The following ASPH variants were observed in gnomAD, a reference collection of about 807,000 sequenced individuals.
The protein encoded by ASPH is aspartate beta-hydroxylase, also known as aspartyl/asparaginyl beta-hydroxylase.
Under a neutral mutation model 118.4 loss-of-function variants are expected in ASPH, and 100 were observed. That is an observed-to-expected ratio of 0.84 (90% CI 0.72 to 1.00). The LOEUF (loss-of-function observed/expected upper bound fraction) is 1.00. Ranked by LOEUF, ASPH falls within the 50% of genes least tolerant of loss-of-function variation. ASPH has a pLI of 0.00. For synonymous variants in ASPH, 315 were observed against 325.6 expected, an observed-to-expected ratio of 0.97 and a Z score of 0.35; for missense variants, 920 against 919.5, an observed-to-expected ratio of 1.00 and a Z score of -0.01.
intron 21 of ASPH, among the ~76,000 whole-genome samples, chr8:61,531,199 C>T (rs1410626693): frequency 6.6e-6 from 1 of 152,160 alleles, no homozygotes; most frequent in African/African-American, 2.4e-5. Flanking sequence ...TTTATTCTAC[C>T]TTTTGCCAAA....
chr8:61,668,915 C>T (rs1563491854), intron 3 of ASPH, among the ~76,000 whole-genome samples: 2 of 152,202 alleles, frequency 1.3e-5, no homozygotes, highest in South Asian at 4.1e-4. Context: ...TAACAATATA[C>T]CTCTAACTCT....
At chr8:61,605,986 A>C (rs1164471320) in intron 14 of ASPH, among the ~76,000 whole-genome samples, 1 of 152,228 alleles carries the variant, frequency 6.6e-6, no homozygotes. Context: ...GGTGAAAGAC[A>C]ATCTGCCTCT....
At chr8:61,560,572 G>A (rs1469341925) in intron 18 of ASPH, among the ~76,000 whole-genome samples, 1 of 151,156 alleles carries the variant, frequency 6.6e-6, no homozygotes, top group Admixed American at 6.6e-5. Flanking sequence ...GAAAAAAGGC[G>A]ACCCCCACAC....
chr8:61,694,604 T>C (rs1171599200), intron 1 of ASPH, among the ~76,000 whole-genome samples: 1 of 152,202 alleles, frequency 6.6e-6, no homozygotes, highest in Non-Finnish European at 1.5e-5. Context: ...GACTTCAGAA[T>C]CTTGTGGCAC....
intron 14 of ASPH, among the ~76,000 whole-genome samples, chr8:61,614,571 G>A (rs759539015): frequency 5.9e-5 from 9 of 152,100 alleles, no homozygotes; most frequent in Non-Finnish European, 8.8e-5. Context: ...CTGCAGCATC[G>A]ATCCTCCTAC....
Position 61,503,237 on chromosome 8 carries a change from T to A in ASPH, c.*122A>T. The A allele has an allele frequency of 1.6e-6, 2 of 1,213,522 alleles. No individual in the cohort carries two copies. Among genetic ancestry groups the A allele is most frequent in the Non-Finnish European group, 2.2e-6 (2 of 907,214 alleles). The allele number at this position is 1,213,522 out of a possible 1,614,324, so 75.2% of individuals were successfully genotyped here. Reference sequence around the variant, plus strand: ...CTGACCCTAGGAGGAGGCTTTGAATTACTCGGGCTGCAAGTCAAGGGAATT... The same window carrying A: ...CTGACCCTAGGAGGAGGCTTTGAATAACTCGGGCTGCAAGTCAAGGGAATT... On this transcript the variant is annotated 3_prime_UTR_variant, in exon 25 of 25. Coordinates refer to ENST00000379454, the MANE Select transcript of ASPH (RefSeq NM_004318.4).
At position 61,665,267 on chromosome 8, in the gene ASPH, T is replaced by C. The variant is rs141279640; in HGVS notation, c.323-11607A>G. On this transcript the variant is annotated intron_variant, in intron 3 of 24. Transcript: ENST00000379454. ...GCCAGAGCTTTAGCCGTTTCTTTTC[T>C]GGGTATTTCCCTTTGTTAAGTGTGC... is the stretch of plus-strand genomic sequence containing the variant. The C allele has an allele frequency of 5.0e-5, 79 of 1,593,010 alleles. 1 individual carries two copies. The African/African-American group carries it at 8.5e-4, about 17-fold the overall frequency.
At chr8:61,633,081 A>G (rs1241462995) in intron 13 of ASPH, 2 of 154,868 alleles carry the variant, frequency 1.3e-5, no homozygotes, top group African/African-American at 4.8e-5. Context: ...TCTAAAATGC[A>G]TTTGAAAGCA....
At position 61,504,764 on chromosome 8, in the gene ASPH, C is replaced by T. The variant is rs537750829; in HGVS notation, c.2127-1255G>A. Among the ~76,000 whole-genome samples the T allele has an allele frequency of 5.7e-4, 86 of 152,186 alleles. 1 individual carries two copies. In the Middle Eastern group the frequency reaches 0.027, roughly 48 times the overall value. ...CAACCAGAAACATCTCTAGTCATTG[C>T]CAAATGTCCAGGGTGGGAGCAGGAG... On this transcript the variant is annotated intron_variant, in intron 24 of 24. Coordinates refer to ENST00000379454, the MANE Select transcript of ASPH (RefSeq NM_004318.4).
At chr8:61,711,487 A>G (rs1416890037) in intron 1 of ASPH, among the ~76,000 whole-genome samples, 1 of 152,202 alleles carries the variant, frequency 6.6e-6, no homozygotes, top group Admixed American at 6.5e-5. Context: ...AACTGAAAAA[A>G]AAGTAAAATT....
chr8:61,562,987 G>T, intron 17 of ASPH, 107 bp from the exon 18 acceptor site: 1 of 1,146,492 alleles, frequency 8.7e-7, no homozygotes, highest in Non-Finnish European at 1.2e-6. Flanking sequence ...CTGAGAACCA[G>T]CTCAAATCTG....
rs1810637256 is a variant in ASPH at position 61,650,934 on chromosome 8, T to A, written c.490+116A>T. ...ATCTAACTTTGAATTCAAAAACTTT[T>A]TAAAAAACACAAACACCCAATTAAC... is the stretch of plus-strand genomic sequence containing the variant. On this transcript the variant is annotated intron_variant, in intron 5 of 24. Coordinates refer to ENST00000379454, the MANE Select transcript of ASPH (RefSeq NM_004318.4). The A allele has an allele frequency of 7.3e-6, 8 of 1,088,966 alleles. No homozygotes were observed. The Admixed American group carries it at 2.2e-4, about 30-fold the overall frequency. The allele number at this position is 1,088,966 out of a possible 1,614,324, so 67.5% of individuals were successfully genotyped here.
intron 21 of ASPH, among the ~76,000 whole-genome samples, chr8:61,529,575 C>T (rs1392832802): frequency 6.6e-6 from 1 of 152,146 alleles, no homozygotes; most frequent in Non-Finnish European, 1.5e-5. Flanking sequence ...TGTTTTTAAG[C>T]ACAAACCAAG....
intron 3 of ASPH, chr8:61,662,939 C>A (rs908513037): frequency 3.0e-6 from 3 of 985,158 alleles, no homozygotes; most frequent in Non-Finnish European, 3.6e-6. Flanking sequence ...TTTTCTGCCA[C>A]ATAGCCATTG....
intron 3 of ASPH, among the ~76,000 whole-genome samples, chr8:61,662,245 A>G (rs1421570676): frequency 6.6e-6 from 1 of 152,244 alleles, no homozygotes; most frequent in East Asian, 1.9e-4. Context: ...TTTAAGAAAA[A>G]TATGCCAATA....
At chr8:61,648,341 A>C (rs1809115414) in intron 5 of ASPH, among the ~76,000 whole-genome samples, 1 of 152,188 alleles carries the variant, frequency 6.6e-6, no homozygotes, top group Admixed American at 6.5e-5. Flanking sequence ...TAGCGTGGCA[A>C]GGCAATGCTC....
intron 10 of ASPH, among the ~76,000 whole-genome samples, chr8:61,641,316 T>G (rs1244287138): frequency 6.6e-6 from 1 of 152,210 alleles, no homozygotes; most frequent in Non-Finnish European, 1.5e-5. Context: ...ATTCCAAACA[T>G]GTTCTTTATA....
At chr8:61,518,199 C>A in intron 22 of ASPH, 76 bp from the exon 23 acceptor site, 1 of 1,277,924 alleles carries the variant, frequency 7.8e-7, no homozygotes, top group South Asian at 1.3e-5. Flanking sequence ...GAGGTGAGAG[C>A]TATATGTCAT....
At position 61,503,458 on chromosome 8, in the gene ASPH, C is replaced by T; in HGVS notation, c.2178G>A (p.Glu726=). ...VLIFDDSFEH[E]VWQDASSFRL... Reference sequence around the variant, plus strand: ...GGAAAGATGAGGCATCCTGCCATACCTCGTGCTCAAAGGAGTCATCAAAGA... The same window carrying T: ...GGAAAGATGAGGCATCCTGCCATACTTCGTGCTCAAAGGAGTCATCAAAGA... The change falls in exon 25 of 25, where the codon GAG becomes GAA. Residue 726 remains glutamate, a synonymous_variant. Transcript: ENST00000379454. The T allele has an allele frequency of 6.2e-7, 1 of 1,613,058 alleles. No homozygotes were observed. Among genetic ancestry groups the T allele is most frequent in the East Asian group, 2.2e-5 (1 of 44,780 alleles).
Sources: gnomAD v4.1 joint callset for allele counts (sites outside exome capture counted in the v4.1 genomes callset) on GRCh38, gnomAD v4.1.1 for gene constraint, MANE v1.5 for transcripts, NCBI Gene and HGNC (gene_info 2026-07-23, HGNC 2026-07-21) for gene names.